The following TMEM130 variants were observed in gnomAD, a reference collection of about 807,000 sequenced individuals.
The protein encoded by TMEM130 is transmembrane protein 130.
TMEM130 carries 37 observed loss-of-function variants against 42.9 expected under a neutral mutation model. The ratio of observed to expected loss-of-function variants is 0.86; its 90% CI spans 0.66 to 1.13. TMEM130 has a LOEUF of 1.13. TMEM130 is among the 50% of genes most tolerant of loss of function. TMEM130 has a pLI of 0.00. For missense variants in TMEM130, 545 were observed against 562.6 expected, an observed-to-expected ratio of 0.97 and a Z score of 0.32; for synonymous variants, 259 against 237.7, an observed-to-expected ratio of 1.09 and a Z score of -0.82.
At chr7:98,861,523 T>C (rs1225220764) in intron 2 of TMEM130, among the ~76,000 whole-genome samples, 1 of 151,846 alleles carries the variant, frequency 6.6e-6, no homozygotes. Flanking sequence ...GAGACCAGCC[T>C]GGCCAACATA....
At chr7:98,862,804 C>G (rs1794813994) in intron 2 of TMEM130, among the ~76,000 whole-genome samples, 1 of 152,102 alleles carries the variant, frequency 6.6e-6, no homozygotes, top group African/African-American at 2.4e-5. Context: ...CCAGCTGAGA[C>G]TACAATAATT....
intron 7 of TMEM130, 147 bp downstream of exon 7, chr7:98,848,436 C>T (rs1256230013): frequency 5.4e-6 from 4 of 739,170 alleles, no homozygotes; most frequent in East Asian, 5.3e-5. Flanking sequence ...TCTACAGATG[C>T]CTCTTGGGCA....
In TMEM130 at chr7:98,869,326, C is replaced by G. The variant is rs1266013875; in HGVS notation, c.85+451G>C. ...AGCCAGCACCAACACGGTGGGAAACCCCTCTAGATGAGGCGACATTTTAAG... is the reference window on the plus strand; with the variant it reads ...AGCCAGCACCAACACGGTGGGAAACGCCTCTAGATGAGGCGACATTTTAAG... On this transcript the variant is annotated intron_variant, in intron 1 of 7. Transcript: ENST00000339375. The surrounding 1 kb of genome is among the most constrained non-coding windows in gnomAD (Gnocchi z 4.7). 1.6e-6 allele frequency: 2 copies of G among 1,274,294 alleles called. No homozygotes were observed. The highest frequency in any genetic ancestry group is 1.5e-5 in the African/African-American group (1 of 65,180). The allele number at this position is 1,274,294 out of a possible 1,614,324, so 78.9% of individuals were successfully genotyped here. A position where few individuals can be genotyped will look rare whatever the true frequency, so the allele number is the denominator to read the frequency against.
At chr7:98,850,262 TATA>T (rs1794458938) in intron 6 of TMEM130, among the ~76,000 whole-genome samples, 1 of 49,062 alleles carries the variant, frequency 2.0e-5, no homozygotes, top group Admixed American at 2.4e-4. Context: ...TATATATATA[TATA>T]TATATATATT....
intron 3 of TMEM130, 25 bp from the exon 4 acceptor site, chr7:98,856,208 G>A (rs377248070): frequency 6.2e-7 from 1 of 1,609,308 alleles, no homozygotes; most frequent in Non-Finnish European, 8.5e-7. Context: ...GGAGGAGAGA[G>A]GAGGAAGACA....
chr7:98,853,970 G>A (rs1400195824), intron 5 of TMEM130, among the ~76,000 whole-genome samples: 1 of 152,090 alleles, frequency 6.6e-6, no homozygotes, highest in Non-Finnish European at 1.5e-5. Flanking sequence ...ACTTTTGCCT[G>A]CTGGTGCAAG....
chr7:98,856,278 AG>A, intron 3 of TMEM130, 95 bp from the exon 4 acceptor site: 1 of 1,292,480 alleles, frequency 7.7e-7, no homozygotes, highest in Non-Finnish European at 1.1e-6. Context: ...TGCCAGAGTC[AG>A]GGGAGGCTGT....
chr7:98,860,255 C>T lies in TMEM130; in HGVS notation c.475G>A (p.Val159Ile), dbSNP rs1554399590. Residue 159 changes from valine to isoleucine, a missense_variant, in exon 3 of 8, where the codon GTC becomes ATC. Coordinates refer to ENST00000339375, the MANE Select transcript of TMEM130 (RefSeq NM_152913.3). ...CTCGGGTCGTGGAGGAGGAAGGAGA[C>T]TTTCAGGACGGTCTTAGTGAGATAG... ...SSYLTKTVLKVSFLLHDPSNF... is the reference protein window; with the variant it reads ...SSYLTKTVLKISFLLHDPSNF... The T allele has an allele frequency of 1.2e-6, 2 of 1,613,948 alleles. No individual in the cohort carries two copies. The highest frequency in any genetic ancestry group is 1.7e-6 in the Non-Finnish European group (2 of 1,179,950).
chr7:98,862,974 C>A (rs985485460), intron 2 of TMEM130, 121 bp downstream of exon 2: 1 of 1,045,644 alleles, frequency 9.6e-7, no homozygotes, highest in Non-Finnish European at 1.3e-6. Context: ...AAGGAACCTA[C>A]GGGCCTAATC....
At chr7:98,848,880 T>G (rs1192989198) in intron 6 of TMEM130, among the ~76,000 whole-genome samples, 185 bp from the exon 7 acceptor site, 1 of 152,112 alleles carries the variant, frequency 6.6e-6, no homozygotes, top group East Asian at 1.9e-4. Context: ...AAAAATAAAC[T>G]GGGGTCTGGG....
At chr7:98,855,940 C>T (rs1302676155) in intron 4 of TMEM130, 77 bp downstream of exon 4, 2 of 1,521,552 alleles carry the variant, frequency 1.3e-6, no homozygotes, top group Non-Finnish European at 1.8e-6. Context: ...GAGTCCAGCC[C>T]AGAGCCACTG....
chr7:98,857,593 A>G (rs563335231), intron 3 of TMEM130, among the ~76,000 whole-genome samples: 1 of 152,042 alleles, frequency 6.6e-6, no homozygotes, highest in South Asian at 2.1e-4. Flanking sequence ...CCAGCTATTC[A>G]AGAGGCTGAG....
At chr7:98,855,168 A>G in intron 5 of TMEM130, 72 bp downstream of exon 5, 1 of 1,398,712 alleles carries the variant, frequency 7.1e-7, no homozygotes, top group East Asian at 2.3e-5. Flanking sequence ...AGCAGAACAG[A>G]CTTGGGGTCA....
At chr7:98,866,037 C>A in intron 1 of TMEM130, 1 of 158,698 alleles carries the variant, frequency 6.3e-6, no homozygotes, top group Non-Finnish European at 1.4e-5. Flanking sequence ...CTCGGTCAGG[C>A]ACGGTGGCTC....
chr7:98,850,213 TCTCTCTCTCAATCC>T (rs1241316575), intron 6 of TMEM130, among the ~76,000 whole-genome samples: 1 of 140,856 alleles, frequency 7.1e-6, no homozygotes, highest in Non-Finnish European at 1.5e-5. Flanking sequence ...CGCCACTCTC[TCTCTCTCTCAATCC>T]CTCTCTCTCT....
At chr7:98,851,825 T>G (rs1435901327) in intron 5 of TMEM130, among the ~76,000 whole-genome samples, 1 of 151,882 alleles carries the variant, frequency 6.6e-6, no homozygotes, top group Non-Finnish European at 1.5e-5. Flanking sequence ...CCCAAGAGAA[T>G]TCCAAGTGAA....
chr7:98,863,056 G>A (rs1554400045), intron 2 of TMEM130, 39 bp downstream of exon 2: 1 of 1,578,810 alleles, frequency 6.3e-7, no homozygotes, highest in African/African-American at 1.3e-5. Context: ...TCTGCACCAA[G>A]GGTTTGAAGG....
At chr7:98,862,356 A>C (rs1324622971) in intron 2 of TMEM130, among the ~76,000 whole-genome samples, 2 of 151,836 alleles carry the variant, frequency 1.3e-5, no homozygotes, top group Non-Finnish European at 2.9e-5. Context: ...CAGAGAGAGA[A>C]GGGACAGAGA....
At chr7:98,856,333 G>A (rs1794633264) in intron 3 of TMEM130, 150 bp from the exon 4 acceptor site, 1 of 747,006 alleles carries the variant, frequency 1.3e-6, no homozygotes, top group South Asian at 2.0e-5. Flanking sequence ...TGTCATCACA[G>A]CCTAGAGCCA....
Sources: gnomAD v4.1 joint callset for allele counts (sites outside exome capture counted in the v4.1 genomes callset) on GRCh38, gnomAD v4.1.1 for gene constraint, Gnocchi (gnomAD v3.1) non-coding constraint, MANE v1.5 for transcripts, NCBI Gene and HGNC (gene_info 2026-07-23, HGNC 2026-07-21) for gene names.